The following NKAIN3 variants were observed in gnomAD, a reference collection of about 807,000 sequenced individuals.
NKAIN3 encodes the protein sodium/potassium-transporting ATPase subunit beta-1-interacting protein 3.
In NKAIN3, 25 loss-of-function variants were observed where a neutral mutation model predicts 30.2. The observed-to-expected ratio is 0.83, with a 90% CI of 0.60 to 1.16. The LOEUF (loss-of-function observed/expected upper bound fraction) is 1.16, where lower values mean the gene tolerates loss of function less well. Among genes scored for constraint, NKAIN3 ranks in the 50% most tolerant of loss-of-function variants. NKAIN3 has a pLI of 0.00. For missense variants in NKAIN3, 225 were observed against 254.1 expected, an observed-to-expected ratio of 0.89 and a Z score of 0.78; for synonymous variants, 91 against 89.6, an observed-to-expected ratio of 1.02 and a Z score of -0.09.
At chr8:62,812,646 A>G (rs911950964) in intron 4 of NKAIN3, among the ~76,000 whole-genome samples, 6 of 151,806 alleles carry the variant, frequency 4.0e-5, no homozygotes, top group East Asian at 1.9e-4. Flanking sequence ...ATAGACAATT[A>G]TGTCATCTGC....
At chr8:62,725,832 T>C (rs1815240432) in intron 3 of NKAIN3, among the ~76,000 whole-genome samples, 1 of 152,096 alleles carries the variant, frequency 6.6e-6, no homozygotes, top group African/African-American at 2.4e-5. Context: ...TTCTGTGTAT[T>C]TTGTGGTTTC....
At chr8:62,786,415 T>G (rs1817519482) in intron 4 of NKAIN3, among the ~76,000 whole-genome samples, 1 of 152,052 alleles carries the variant, frequency 6.6e-6, no homozygotes, top group African/African-American at 2.4e-5. Flanking sequence ...AGTAAAACCC[T>G]GCCCCACTCC....
intron 3 of NKAIN3, among the ~76,000 whole-genome samples, chr8:62,715,980 G>A (rs1357811979): frequency 6.6e-5 from 10 of 152,190 alleles, no homozygotes; most frequent in African/African-American, 2.2e-4. Flanking sequence ...AGAACAGGGA[G>A]CAAGGCAGCA....
chr8:62,787,287 TTC>T (rs1175972797), intron 4 of NKAIN3, among the ~76,000 whole-genome samples: 1 of 152,136 alleles, frequency 6.6e-6, no homozygotes, highest in Non-Finnish European at 1.5e-5. Context: ...TATTTTCATA[TTC>T]TGTTTACTCT....
intron 1 of NKAIN3, among the ~76,000 whole-genome samples, chr8:62,571,972 T>A (rs1809955953): frequency 6.6e-6 from 1 of 152,168 alleles, no homozygotes; most frequent in African/African-American, 2.4e-5. Flanking sequence ...CTGGAGACAT[T>A]TTCCCCATTG....
chr8:62,843,095 G>A (rs1355334226), intron 4 of NKAIN3, among the ~76,000 whole-genome samples: 3 of 151,852 alleles, frequency 2.0e-5, no homozygotes, highest in African/African-American at 7.3e-5. Context: ...TGCAAACCAT[G>A]GGTCTTTACA....
At chr8:62,568,972 A>C (rs1412867340) in intron 1 of NKAIN3, among the ~76,000 whole-genome samples, 1 of 152,224 alleles carries the variant, frequency 6.6e-6, no homozygotes, top group African/African-American at 2.4e-5. Flanking sequence ...TCACCTAGCT[A>C]CATAAGCACT....
intron 1 of NKAIN3, among the ~76,000 whole-genome samples, chr8:62,310,938 A>T (rs1814407557): frequency 6.6e-6 from 1 of 150,390 alleles, no homozygotes. Context: ...TCAATCCAGG[A>T]TTATAATCAA....
At chr8:62,486,120 G>C (rs1806893400) in intron 1 of NKAIN3, among the ~76,000 whole-genome samples, 1 of 152,104 alleles carries the variant, frequency 6.6e-6, no homozygotes, top group Non-Finnish European at 1.5e-5. Context: ...AAAACAAAAA[G>C]AGAGAACGCT....
intron 3 of NKAIN3, among the ~76,000 whole-genome samples, chr8:62,728,328 TA>T (rs913131989): frequency 2.6e-5 from 4 of 151,674 alleles, no homozygotes; most frequent in African/African-American, 7.3e-5. Flanking sequence ...ATAATAATCA[TA>T]AAAAAAAGAA....
chr8:62,423,989 C>T (rs1016775455), intron 1 of NKAIN3, among the ~76,000 whole-genome samples: 2 of 151,938 alleles, frequency 1.3e-5, no homozygotes, highest in Non-Finnish European at 2.9e-5. Flanking sequence ...GAACACATCA[C>T]TCTTTATTTC....
intron 4 of NKAIN3, among the ~76,000 whole-genome samples, chr8:62,859,507 C>CAAAAAAAAAAAAAAAAAAAAAAAAAA (rs1563597734): frequency 2.0e-4 from 2 of 9,940 alleles, no homozygotes; most frequent in South Asian, 6.0e-3. Context: ...CTTACTTCAA[C>CAAAAAAAAAAAAAAAAAAAAAAAAAA]TAAAAAAAAA....
chr8:62,373,144 G>A (rs1481908972), intron 1 of NKAIN3, among the ~76,000 whole-genome samples: 1 of 152,132 alleles, frequency 6.6e-6, no homozygotes, highest in Non-Finnish European at 1.5e-5. Flanking sequence ...GCCAGGATCT[G>A]TGTGAAGTGC....
At chr8:62,808,291 T>C (rs1313040129) in intron 4 of NKAIN3, among the ~76,000 whole-genome samples, 2 of 152,216 alleles carry the variant, frequency 1.3e-5, no homozygotes, top group Non-Finnish European at 2.9e-5. Context: ...GTGAACTCTT[T>C]AGTAGCTTTT....
At chr8:62,682,217 G>A (rs1455076224) in intron 3 of NKAIN3, among the ~76,000 whole-genome samples, 3 of 152,060 alleles carry the variant, frequency 2.0e-5, no homozygotes, top group African/African-American at 7.2e-5. Flanking sequence ...CACCCTCACT[G>A]GGAAACCTAA....
At chr8:62,360,200 TC>T (rs534473892) in intron 1 of NKAIN3, among the ~76,000 whole-genome samples, 1 of 152,222 alleles carries the variant, frequency 6.6e-6, no homozygotes, top group Non-Finnish European at 1.5e-5. Flanking sequence ...CCCTGGTTCT[TC>T]CTGTGACTGT....
intron 4 of NKAIN3, among the ~76,000 whole-genome samples, chr8:62,780,874 T>C (rs1817334943): frequency 6.6e-6 from 1 of 151,978 alleles, no homozygotes; most frequent in South Asian, 2.1e-4. Flanking sequence ...CTAAGAACTG[T>C]AACAAGACAA....
At chr8:62,711,062 C>A (rs537709785) in intron 3 of NKAIN3, among the ~76,000 whole-genome samples, 1 of 152,050 alleles carries the variant, frequency 6.6e-6, no homozygotes, top group Non-Finnish European at 1.5e-5. Context: ...TGAAGATAGG[C>A]CCCCAACCTC....
chr8:62,543,298 T>C (rs373323946), intron 1 of NKAIN3, among the ~76,000 whole-genome samples: 11 of 152,202 alleles, frequency 7.2e-5, no homozygotes, highest in African/African-American at 2.7e-4. Flanking sequence ...AGCCTTCCTT[T>C]GGTCCATCTA....
Sources: allele counts gnomAD v4.1 joint callset (sites outside exome capture counted in the v4.1 genomes callset), GRCh38; gene constraint gnomAD v4.1.1; transcripts MANE v1.5; gene names NCBI Gene and HGNC (gene_info 2026-07-23, HGNC 2026-07-21).